The following YY1 variants were observed in gnomAD, a reference collection of about 807,000 sequenced individuals.
YY1 encodes transcriptional repressor protein YY1.
In YY1, 2 loss-of-function variants were observed where a neutral mutation model predicts 35.6. The ratio of observed to expected loss-of-function variants is 0.06; its 90% CI spans 0.02 to 0.18. The LOEUF is 0.18. Ranked by LOEUF, YY1 falls within the 10% of genes least tolerant of loss-of-function variation. YY1 has a pLI of 1.00. For missense variants in YY1, 322 were observed against 573.4 expected (o/e 0.56, Z 4.48); for synonymous variants, 268 against 238.9 (o/e 1.12, Z -1.12).
Position 100,277,398 on chromosome 14 carries a change from C to G in YY1, c.1063-20C>G. ...GGTCAGAGTTGCTGAGTGGGTTGATCTCTGGTCTTTCCTTGACAGTGCACG... is the reference window on the plus strand; with the variant it reads ...GGTCAGAGTTGCTGAGTGGGTTGATGTCTGGTCTTTCCTTGACAGTGCACG... On this transcript the variant is annotated intron_variant, in intron 4 of 4. Coordinates refer to ENST00000262238, the MANE Select transcript of YY1 (RefSeq NM_003403.5). The surrounding 1 kb of genome is among the most constrained non-coding windows in gnomAD (Gnocchi z 5.6). The G allele has an allele frequency of 6.2e-7, 1 of 1,614,192 alleles. No homozygotes were observed. The highest frequency in any genetic ancestry group is 8.5e-7 in the Non-Finnish European group (1 of 1,180,036).
chr14:100,252,400 T>G (rs1000959904), intron 1 of YY1, among the ~76,000 whole-genome samples: 3 of 152,176 alleles, frequency 2.0e-5, no homozygotes, highest in Non-Finnish European at 4.4e-5. Flanking sequence ...TATGCAGAAA[T>G]AGAAACTTTT....
At chr14:100,247,619 A>G (rs987639965) in intron 1 of YY1, among the ~76,000 whole-genome samples, 2 of 152,176 alleles carry the variant, frequency 1.3e-5, no homozygotes, top group Non-Finnish European at 2.9e-5. Context: ...ATTACTGCAG[A>G]GTATTAGGAA....
At chr14:100,243,277 G>A (rs1468961734) in intron 1 of YY1, among the ~76,000 whole-genome samples, 1 of 152,224 alleles carries the variant, frequency 6.6e-6, no homozygotes, top group Admixed American at 6.5e-5. Flanking sequence ...ATGGTGGGCA[G>A]CATTACTGCT....
At position 100,263,373 on chromosome 14, in the gene YY1, A is replaced by T. The variant is rs752559; in HGVS notation, c.842+907A>T. On this transcript the variant is annotated intron_variant, in intron 2 of 4. Transcript: ENST00000262238. ...GTATGTTAATTTAAGCTGGCATGACAGGAGGAGATCAAGTATTTATGGCTT... is the reference window on the plus strand; with the variant it reads ...GTATGTTAATTTAAGCTGGCATGACTGGAGGAGATCAAGTATTTATGGCTT... 9.7e-3 allele frequency among the ~76,000 whole-genome samples: 1,476 copies of T among 152,352 alleles called. 13 individuals carry two copies. Among genetic ancestry groups the T allele is most frequent in the Non-Finnish European group, 0.014 (945 of 68,028 alleles).
intron 1 of YY1, among the ~76,000 whole-genome samples, chr14:100,251,585 C>T (rs560004624): frequency 6.6e-6 from 1 of 152,342 alleles, no homozygotes; most frequent in East Asian, 1.9e-4. Context: ...CTGTTATGTG[C>T]AAGGCACAAG....
intron 1 of YY1, among the ~76,000 whole-genome samples, chr14:100,250,040 T>G (rs555074854): frequency 1.3e-5 from 2 of 152,198 alleles, no homozygotes; most frequent in South Asian, 4.1e-4. Context: ...TCCAAAGTGC[T>G]GGGATTACAG....
At position 100,239,787 on chromosome 14, in the gene YY1, C is replaced by A. The variant is rs1186307207; in HGVS notation, c.543C>A (p.Gly181=). ...AGAAGGGCGGCGGCAAGAAGAGCGG[C>A]AAGAAGAGTTACCTCAGCGGCGGGG... The part of the protein sequence containing the change: ...RVKKGGGKKS[G]KKSYLSGGAG... Residue 181 remains glycine (G), a synonymous_variant, in exon 1 of 5, where the codon GGC becomes GGA. Transcript: ENST00000262238. 1.9e-6 allele frequency: 3 copies of A among 1,551,486 alleles called. No homozygotes were observed. The East Asian group carries it at 7.3e-5, about 38-fold the overall frequency.
rs139225393 is a variant in YY1, at chr14:100,249,860, G to A, written c.679+9937G>A. Among the ~76,000 whole-genome samples, 645 of 150,294 alleles carry A rather than the reference G, an allele frequency of 4.3e-3. 5 individuals carry two copies. Among genetic ancestry groups the A allele is most frequent in the Non-Finnish European group, 6.4e-3 (434 of 67,796 alleles). On this transcript the variant is annotated intron_variant, in intron 1 of 4. Transcript: ENST00000262238. The stretch of plus-strand genomic sequence containing the variant: ...GTGATCTCAGCTCACTGCAACCTCC[G>A]CCTCCCAGGTTCAAGCAATTCTCCT...
At position 100,279,674 on chromosome 14, in the gene YY1, A is replaced by G. The variant is rs144483706; in HGVS notation, c.*2074A>G. 4.6e-5 allele frequency: 7 copies of G among 152,408 alleles called. No individual in the cohort carries two copies. Among genetic ancestry groups the G allele is most frequent in the African/African-American group, 1.4e-4 (6 of 41,568 alleles). 9.4% of individuals were successfully genotyped at this position (152,408 alleles called of 1,614,324 possible). ...GACTTGGACCTGGGCAGCGTCTTCT[A>G]TGGATGCCTGCCTTGTGAGCACCCA... On this transcript the variant is annotated 3_prime_UTR_variant, in exon 5 of 5. Coordinates refer to ENST00000262238, the MANE Select transcript of YY1 (RefSeq NM_003403.5).
chr14:100,246,165 C>T (rs1230690573), intron 1 of YY1, among the ~76,000 whole-genome samples: 1 of 152,160 alleles, frequency 6.6e-6, no homozygotes, highest in African/African-American at 2.4e-5. Flanking sequence ...TGGAAACAAG[C>T]CAGCATGTCC....
intron 1 of YY1, among the ~76,000 whole-genome samples, chr14:100,253,209 A>G (rs964746954): frequency 4.6e-5 from 7 of 152,326 alleles, no homozygotes; most frequent in Admixed American, 3.3e-4. Context: ...GCAGATTTAG[A>G]TACTTTGCTT....
chr14:100,248,067 C>T (rs887064491), intron 1 of YY1, among the ~76,000 whole-genome samples: 3 of 151,464 alleles, frequency 2.0e-5, no homozygotes, highest in Admixed American at 6.6e-5. Context: ...GCCTCAGCCT[C>T]CTGAGTAGCT....
intron 2 of YY1, among the ~76,000 whole-genome samples, chr14:100,266,445 G>A (rs1891156430): frequency 6.6e-6 from 1 of 152,172 alleles, no homozygotes; most frequent in East Asian, 1.9e-4. Context: ...GAGCAGTAAA[G>A]CCATTAGGTG....
chr14:100,276,781 A>G lies in YY1; in HGVS notation c.1062+133A>G. ...TTATTACTCCTTGGTGAGAAACAAA[A>G]CTTCTCCTGGGGAGTCGCTTAGAAG... On this transcript the variant is annotated intron_variant, in intron 4 of 4. Transcript: ENST00000262238. This position sits in a 1 kb window ranked among gnomAD's most constrained non-coding sequence, Gnocchi z 4.1. 1.4e-6 allele frequency: 2 copies of G among 1,390,504 alleles called. No homozygotes were observed. The highest frequency in any genetic ancestry group is 2.4e-4 in the Middle Eastern group (1 of 4,116). The allele number at this position is 1,390,504 out of a possible 1,614,324, so 86.1% of individuals were successfully genotyped here. A position where few individuals can be genotyped will look rare whatever the true frequency, so the allele number is the denominator to read the frequency against.
intron 1 of YY1, among the ~76,000 whole-genome samples, chr14:100,250,225 TTTC>T (rs921249481): frequency 1.3e-5 from 2 of 152,200 alleles, no homozygotes; most frequent in African/African-American, 4.8e-5. Context: ...GATAGTATCC[TTTC>T]TTAAGGTCTT....
intron 2 of YY1, among the ~76,000 whole-genome samples, chr14:100,270,698 G>T (rs191119150): frequency 1.3e-5 from 2 of 152,194 alleles, no homozygotes; most frequent in African/African-American, 4.8e-5. Flanking sequence ...TTTGCATATG[G>T]TAAAGTCTAC....
chr14:100,277,061 G>A lies in YY1; in HGVS notation c.1063-357G>A, dbSNP rs1465264096. 4.7e-6 allele frequency: 2 copies of A among 428,436 alleles called. No individual in the cohort carries two copies. The highest frequency in any genetic ancestry group is 8.6e-6 in the Non-Finnish European group (2 of 233,498). The allele number at this position is 428,436 out of a possible 1,614,324, so 26.5% of individuals were successfully genotyped here. A position where few individuals can be genotyped will look rare whatever the true frequency, so the allele number is the denominator to read the frequency against. ...AGCCCATAAATAAGTGAAAGAACTA[G>A]CAGTGCAGCTAGTAAATCTAACGTG... On this transcript the variant is annotated intron_variant, in intron 4 of 4. Coordinates refer to ENST00000262238, the MANE Select transcript of YY1 (RefSeq NM_003403.5). This position sits in a 1 kb window ranked among gnomAD's most constrained non-coding sequence, Gnocchi z 5.6.
intron 1 of YY1, among the ~76,000 whole-genome samples, chr14:100,260,654 G>C (rs1436901642): frequency 1.3e-5 from 2 of 149,900 alleles, no homozygotes; most frequent in Non-Finnish European, 3.0e-5. Flanking sequence ...TTGTATTTTA[G>C]TAGAGACAGG....
intron 1 of YY1, among the ~76,000 whole-genome samples, chr14:100,240,546 C>A (rs768596360): frequency 6.6e-6 from 1 of 151,900 alleles, no homozygotes; most frequent in African/African-American, 2.4e-5. Flanking sequence ...CTCCGGCCTC[C>A]TTGCTCCCCG....
Sources: allele counts gnomAD v4.1 joint callset (sites outside exome capture counted in the v4.1 genomes callset), GRCh38; gene constraint gnomAD v4.1.1; non-coding constraint Gnocchi (gnomAD v3.1); transcripts MANE v1.5; gene names NCBI Gene and HGNC (gene_info 2026-07-23, HGNC 2026-07-21).